PCDHGA3: variants seen among roughly 807,000 people sequenced by gnomAD.
The protein encoded by PCDHGA3 is protocadherin gamma-A3.
PCDHGA3 carries 40 observed loss-of-function variants against 58.5 expected under a neutral mutation model. That is an observed-to-expected ratio of 0.68 (90% CI 0.53 to 0.89). PCDHGA3 has a LOEUF of 0.89. PCDHGA3 is among the 40% of genes least tolerant of loss of function. The pLI is 0.00. For missense variants in PCDHGA3, 1,223 were observed against 1,195.9 expected (o/e 1.02, Z -0.33); for synonymous variants, 530 against 525.7 (o/e 1.01, Z -0.11).
chr5:141,345,529 C>G lies in PCDHGA3; in HGVS notation c.1496C>G (p.Ala499Gly). 1 of 1,614,166 alleles carries G rather than the reference C, an allele frequency of 6.2e-7. No individual in the cohort carries two copies. The highest frequency in any genetic ancestry group is 1.1e-5 in the South Asian group (1 of 91,084). Reference sequence around the variant, plus strand: ...TTGACCGAGGACACTCTCCAGGGGGCGCCCCTGTCCTCCTTCGTCTCTATC... The same window carrying G: ...TTGACCGAGGACACTCTCCAGGGGGGGCCCCTGTCCTCCTTCGTCTCTATC... Reference protein sequence around the residue: ...YALTEDTLQGAPLSSFVSINS... With the variant: ...YALTEDTLQGGPLSSFVSINS... Residue 499 changes from alanine to glycine, a missense_variant, in exon 1 of 4, where the codon GCG becomes GGG. Coordinates refer to ENST00000253812, the MANE Select transcript of PCDHGA3 (RefSeq NM_018916.4).
At chr5:141,367,089 CT>C in intron 1 of PCDHGA3, 1 of 258,634 alleles carries the variant, frequency 3.9e-6, no homozygotes, top group East Asian at 1.0e-4. Context: ...ATATTGTTCT[CT>C]TTTGAGTGTC....
At chr5:141,399,663 G>T (rs766997364) in intron 1 of PCDHGA3, 4 of 1,613,506 alleles carry the variant, frequency 2.5e-6, no homozygotes, top group Admixed American at 3.3e-5. Context: ...TGGTGTTCGC[G>T]CAGCGCGCCT....
intron 1 of PCDHGA3, among the ~76,000 whole-genome samples, chr5:141,455,913 T>C (rs2098837234): frequency 7.2e-6 from 1 of 138,032 alleles, no homozygotes; most frequent in African/African-American, 2.7e-5. Context: ...ATTTATTTAT[T>C]TTGAGACGGA....
intron 1 of PCDHGA3, chr5:141,355,169 C>T (rs753158485): frequency 2.5e-6 from 4 of 1,568,854 alleles, no homozygotes; most frequent in Non-Finnish European, 3.5e-6. Context: ...GAGGGAAAAC[C>T]GAAGCACAGG....
chr5:141,427,793 G>C, intron 1 of PCDHGA3: 1 of 1,495,528 alleles, frequency 6.7e-7, no homozygotes, highest in Non-Finnish European at 9.2e-7. Flanking sequence ...CGTCCTACGT[G>C]TCCGTGAGCG....
At chr5:141,422,791 G>T (rs2096673253) in intron 1 of PCDHGA3, 2 of 1,614,020 alleles carry the variant, frequency 1.2e-6, no homozygotes, top group South Asian at 1.1e-5. Context: ...ACAATCCTTC[G>T]ACTATGAGCA....
chr5:141,351,181 G>C (rs200349180), intron 1 of PCDHGA3: 2 of 1,613,920 alleles, frequency 1.2e-6, no homozygotes, highest in African/African-American at 2.7e-5. Context: ...ATTTTGAAGA[G>C]ACAAGTAGAT....
chr5:141,410,817 A>T, intron 1 of PCDHGA3: 1 of 524,252 alleles, frequency 1.9e-6, no homozygotes, highest in Non-Finnish European at 3.1e-6. Context: ...TTGTAAAATA[A>T]TGTCACCAGA....
At chr5:141,385,281 C>T (rs761366864) in intron 1 of PCDHGA3, 6 of 1,613,348 alleles carry the variant, frequency 3.7e-6, no homozygotes, top group East Asian at 2.2e-5. Flanking sequence ...TGCTAACATC[C>T]GTAGATTTTC....
At position 141,362,048 on chromosome 5, in the gene PCDHGA3, C is replaced by T. The variant is rs764745412; in HGVS notation, c.2424+15591C>T. 7 of 1,610,984 alleles carry T rather than the reference C, an allele frequency of 4.3e-6. No individual in the cohort carries two copies. The African/African-American group carries it at 9.4e-5, about 22-fold the overall frequency. ...CGTGCCTTGGGCGACAGGGACGCGG[C>T]CCGCCAGCGCCTGCTGGTCGCTGTG... On this transcript the variant is annotated intron_variant, in intron 1 of 3. Transcript: ENST00000253812.
At chr5:141,360,839 C>T (rs1337655560) in intron 1 of PCDHGA3, 3 of 1,613,822 alleles carry the variant, frequency 1.9e-6, no homozygotes, top group African/African-American at 1.3e-5. Flanking sequence ...GTCACGGATG[C>T]CAACGATAAC....
At position 141,409,348 on chromosome 5, in the gene PCDHGA3, C is replaced by T. The variant is rs115471135; in HGVS notation, c.2424+62891C>T. The T allele has an allele frequency of 4.7e-4, 755 of 1,614,018 alleles. 4 individuals carry two copies. The African/African-American group carries it at 8.3e-3, about 18-fold the overall frequency. On this transcript the variant is annotated intron_variant, in intron 1 of 3. Coordinates refer to ENST00000253812, the MANE Select transcript of PCDHGA3 (RefSeq NM_018916.4). Reference sequence around the variant, plus strand: ...TGGATTTCGGAGGAAATGGAGAAGTCAGGTGTAATATAGAAACAGACATTC... The same window carrying T: ...TGGATTTCGGAGGAAATGGAGAAGTTAGGTGTAATATAGAAACAGACATTC...
At chr5:141,373,070 A>G (rs1217511247) in intron 1 of PCDHGA3, among the ~76,000 whole-genome samples, 2 of 152,206 alleles carry the variant, frequency 1.3e-5, no homozygotes, top group Non-Finnish European at 2.9e-5. Context: ...AACATTTTTA[A>G]TACAGTATTA....
At chr5:141,350,332 C>A (rs774589363) in intron 1 of PCDHGA3, 16 of 1,537,558 alleles carry the variant, frequency 1.0e-5, no homozygotes, top group Middle Eastern at 1.8e-4. Context: ...CTTTGTTCTG[C>A]GGGGCCATCT....
chr5:141,456,308 T>C (rs2098849199), intron 1 of PCDHGA3, among the ~76,000 whole-genome samples: 1 of 152,156 alleles, frequency 6.6e-6, no homozygotes, highest in Non-Finnish European at 1.5e-5. Context: ...GAACAGCAGC[T>C]AGGGCTCCTC....
chr5:141,397,199 T>G (rs1317536621), intron 1 of PCDHGA3, among the ~76,000 whole-genome samples: 1 of 152,156 alleles, frequency 6.6e-6, no homozygotes, highest in African/African-American at 2.4e-5. Context: ...GTAAAAGATA[T>G]GACATAAGAG....
intron 1 of PCDHGA3, chr5:141,355,235 G>C (rs146402451): frequency 1.2e-3 from 1,998 of 1,612,170 alleles, no homozygotes; most frequent in Non-Finnish European, 1.5e-3. Context: ...GACCACACCC[G>C]GCTGCTCCAG....
intron 1 of PCDHGA3, chr5:141,383,154 C>T (rs749274128): frequency 1.2e-6 from 2 of 1,613,994 alleles, no homozygotes; most frequent in Non-Finnish European, 1.7e-6. Context: ...GCAGCTTGGT[C>T]ACTGCGGGCA....
chr5:141,383,575 G>A (rs1229661535), intron 1 of PCDHGA3: 17 of 1,613,114 alleles, frequency 1.1e-5, no homozygotes, highest in Non-Finnish European at 1.4e-5. Context: ...ATCCAGCACC[G>A]CCCACATCCA....
Sources: gnomAD v4.1 joint callset for allele counts (sites outside exome capture counted in the v4.1 genomes callset) on GRCh38, gnomAD v4.1.1 for gene constraint, MANE v1.5 for transcripts, NCBI Gene and HGNC (gene_info 2026-07-23, HGNC 2026-07-21) for gene names.